FIGN: variants seen among roughly 807,000 people sequenced by gnomAD.
FIGN encodes fidgetin.
In FIGN, 11 loss-of-function variants were observed where a neutral mutation model predicts 51.3. That is an observed-to-expected ratio of 0.21 (90% CI 0.13 to 0.35). The LOEUF is 0.35. FIGN is among the 10% of genes least tolerant of loss of function. The pLI is 1.00. For missense variants in FIGN, 857 were observed against 943.6 expected (o/e 0.91, Z 1.20); for synonymous variants, 407 against 363.2 (o/e 1.12, Z -1.37).
intron 2 of FIGN, among the ~76,000 whole-genome samples, chr2:163,685,552 C>T (rs1308517185): frequency 6.6e-6 from 1 of 152,164 alleles, no homozygotes; most frequent in Non-Finnish European, 1.5e-5. Flanking sequence ...TACTACCTCC[C>T]TTGGTAGAGG....
At chr2:163,707,286 T>A (rs1191029410) in intron 2 of FIGN, among the ~76,000 whole-genome samples, 1 of 151,592 alleles carries the variant, frequency 6.6e-6, no homozygotes, top group Non-Finnish European at 1.5e-5. Context: ...GAGGTGGAGG[T>A]TGCACCTTGC....
chr2:163,635,132 AT>A (rs1237095861), intron 2 of FIGN, among the ~76,000 whole-genome samples: 2 of 152,230 alleles, frequency 1.3e-5, no homozygotes, highest in Non-Finnish European at 2.9e-5. Context: ...GTACTTGATA[AT>A]TATAATATTA....
At chr2:163,733,214 T>C (rs1407167586) in intron 2 of FIGN, among the ~76,000 whole-genome samples, 1 of 152,140 alleles carries the variant, frequency 6.6e-6, no homozygotes, top group Admixed American at 6.6e-5. Context: ...GACTATTATT[T>C]AATAGTAAGC....
chr2:163,719,874 T>C (rs1684727106), intron 2 of FIGN, among the ~76,000 whole-genome samples: 2 of 152,188 alleles, frequency 1.3e-5, no homozygotes, highest in Admixed American at 1.3e-4. Context: ...TTTTTTAGTA[T>C]AAAATCCTCT....
At chr2:163,730,231 A>C (rs1410476162) in intron 2 of FIGN, among the ~76,000 whole-genome samples, 1 of 152,214 alleles carries the variant, frequency 6.6e-6, no homozygotes, top group Non-Finnish European at 1.5e-5. Context: ...ACATTTCTGA[A>C]AGAAAATTGC....
Position 163,611,459 on chromosome 2 carries a change from G to T in FIGN, c.373C>A (p.Pro125Thr), listed in dbSNP as rs1416543400. The change falls in exon 3 of 3, where the codon CCG becomes ACG. Residue 125 changes from proline (P) to threonine (T), a missense_variant. Coordinates refer to ENST00000333129, the MANE Select transcript of FIGN (RefSeq NM_018086.4). Reference protein sequence around the residue: ...SEAVYPMNCVPDVITASKAGV... With the variant: ...SEAVYPMNCVTDVITASKAGV... ...GCTTTGCTGGCAGTGATAACATCCG[G>T]AACACAGTTCATGGGATAAACAGCT... 4 of 1,614,202 alleles carry T rather than the reference G, an allele frequency of 2.5e-6. No homozygotes were observed. Among genetic ancestry groups the T allele is most frequent in the Admixed American group, 1.7e-5 (1 of 60,028 alleles).
chr2:163,660,777 A>G lies in FIGN; in HGVS notation c.26-48971T>C, dbSNP rs1358228332. The stretch of plus-strand genomic sequence containing the variant: ...CACATATACATATATATGTATACAC[A>G]TATACATATATATGTATATAGATAT... On this transcript the variant is annotated intron_variant, in intron 2 of 2. Transcript: ENST00000333129. Among the ~76,000 whole-genome samples the G allele has an allele frequency of 5.2e-4, 55 of 105,572 alleles. 4 individuals are homozygous for G. Among genetic ancestry groups the G allele is most frequent in the African/African-American group, 1.6e-3 (41 of 25,030 alleles). The allele number at this position is 105,572 out of a possible 152,430, so 69.3% of individuals were successfully genotyped here. A position where few individuals can be genotyped will look rare whatever the true frequency, so the allele number is the denominator to read the frequency against.
In FIGN at chr2:163,723,140, G is replaced by C. The variant is rs201735602; in HGVS notation, c.25+11763C>G. 2.6e-5 allele frequency among the ~76,000 whole-genome samples: 4 copies of C among 151,938 alleles called. No individual in the cohort carries two copies. In the East Asian group the frequency reaches 7.7e-4, roughly 29 times the overall value. ...CGGGAGGTGGAGCTTGCAGTGAGCCGAGATCGCGCCACTACACTCCAGCCT... is the reference window on the plus strand; with the variant it reads ...CGGGAGGTGGAGCTTGCAGTGAGCCCAGATCGCGCCACTACACTCCAGCCT... On this transcript the variant is annotated intron_variant, in intron 2 of 2. Coordinates refer to ENST00000333129, the MANE Select transcript of FIGN (RefSeq NM_018086.4).
intron 2 of FIGN, among the ~76,000 whole-genome samples, chr2:163,621,583 A>C (rs1682973057): frequency 6.6e-6 from 1 of 152,130 alleles, no homozygotes; most frequent in South Asian, 2.1e-4. Context: ...TAAAAGTGAG[A>C]AGCTCTTAGC....
chr2:163,652,553 A>G (rs1011991472), intron 2 of FIGN, among the ~76,000 whole-genome samples: 3 of 152,154 alleles, frequency 2.0e-5, no homozygotes, highest in African/African-American at 7.2e-5. Context: ...TTTAGGCAAT[A>G]ATAGAGTATT....
chr2:163,653,610 T>C (rs1464717131), intron 2 of FIGN, among the ~76,000 whole-genome samples: 3 of 152,108 alleles, frequency 2.0e-5, no homozygotes, highest in African/African-American at 7.2e-5. Context: ...AAGGCATTAG[T>C]ATTAATATTT....
At chr2:163,706,423 T>C (rs1330945752) in intron 2 of FIGN, among the ~76,000 whole-genome samples, 1 of 152,146 alleles carries the variant, frequency 6.6e-6, no homozygotes, top group Non-Finnish European at 1.5e-5. Context: ...ACACTATTAA[T>C]AAGCACACAC....
At chr2:163,697,330 G>A (rs982529884) in intron 2 of FIGN, among the ~76,000 whole-genome samples, 1 of 151,694 alleles carries the variant, frequency 6.6e-6, no homozygotes, top group Non-Finnish European at 1.5e-5. Context: ...TGAACTCTTG[G>A]CCTCAAGTGA....
At position 163,604,918 on chromosome 2, in the gene FIGN, C is replaced by T. The variant is rs998761110; in HGVS notation, c.*4634G>A. 8.7e-6 allele frequency: 1 copy of T among 114,430 alleles called. No individual in the cohort carries two copies. Among genetic ancestry groups the T allele is most frequent in the African/African-American group, 3.1e-5 (1 of 31,772 alleles). The allele number at this position is 114,430 out of a possible 1,614,324, so 7.1% of individuals were successfully genotyped here. ...GAGATATTAGAGGGAGAGTTTTAAG[C>T]CCAGAAATAAACTTTTGCTTTTTTT... On this transcript the variant is annotated 3_prime_UTR_variant, in exon 3 of 3. Transcript: ENST00000333129.
intron 2 of FIGN, among the ~76,000 whole-genome samples, chr2:163,665,122 T>C (rs1034548213): frequency 2.0e-5 from 3 of 152,262 alleles, no homozygotes; most frequent in Non-Finnish European, 4.4e-5. Context: ...TTTTGCACAT[T>C]GTGGACAGTG....
chr2:163,712,877 A>C (rs1329746641), intron 2 of FIGN, among the ~76,000 whole-genome samples: 1 of 152,226 alleles, frequency 6.6e-6, no homozygotes, highest in Admixed American at 6.5e-5. Context: ...ATAACCATTA[A>C]AAGCAAAAGC....
At chr2:163,634,797 C>G (rs956612049) in intron 2 of FIGN, among the ~76,000 whole-genome samples, 3 of 152,160 alleles carry the variant, frequency 2.0e-5, no homozygotes, top group Admixed American at 6.5e-5. Context: ...TAATAAATCG[C>G]TAGGTAAGAA....
Position 163,604,955 on chromosome 2 carries a change from T to TTTTTTTTTTTTTA in FIGN, c.*4596_*4597insTAAAAAAAAAAAA, listed in dbSNP as rs397986516. 1 of 141,852 alleles carries TTTTTTTTTTTTTA rather than the reference T, an allele frequency of 7.0e-6. No individual in the cohort carries two copies. The highest frequency in any genetic ancestry group is 1.6e-5 in the Non-Finnish European group (1 of 63,924). The allele number at this position is 141,852 out of a possible 1,614,324, so 8.8% of individuals were successfully genotyped here. A position where few individuals can be genotyped will look rare whatever the true frequency, so the allele number is the denominator to read the frequency against. On this transcript the variant is annotated 3_prime_UTR_variant, in exon 3 of 3. Coordinates refer to ENST00000333129, the MANE Select transcript of FIGN (RefSeq NM_018086.4). The stretch of plus-strand genomic sequence containing the variant: ...CTTTTGCTTTTTTTTTTTTTTTTTT[T>TTTTTTTTTTTTTA]GTATCATAAGACAACAAGAAGGAAT...
At chr2:163,612,225 A>G (rs1288759310) in intron 2 of FIGN, 1 of 730,210 alleles carries the variant, frequency 1.4e-6, no homozygotes, top group Non-Finnish European at 1.7e-6. Flanking sequence ...TGGCAGTATT[A>G]ACATGTACAA....
Sources: gnomAD v4.1 joint callset for allele counts (sites outside exome capture counted in the v4.1 genomes callset) on GRCh38, gnomAD v4.1.1 for gene constraint, MANE v1.5 for transcripts, NCBI Gene and HGNC (gene_info 2026-07-23, HGNC 2026-07-21) for gene names.